Variants in TMEM74 observed in about 807,000 individuals in gnomAD.
TMEM74 encodes transmembrane protein 74.
In TMEM74, 13 loss-of-function variants were observed where a neutral mutation model predicts 18.1. The ratio of observed to expected loss-of-function variants is 0.72; its 90% CI spans 0.47 to 1.14. The LOEUF is 1.14. Among genes scored for constraint, TMEM74 ranks in the 50% most tolerant of loss-of-function variants. The pLI is 0.00. For synonymous variants in TMEM74, 159 were observed against 146.6 expected (o/e 1.08, Z -0.61); for missense variants, 372 against 375.9 (o/e 0.99, Z 0.09).
intron 1 of TMEM74, among the ~76,000 whole-genome samples, 192 bp from the exon 2 acceptor site, chr8:108,785,329 T>A (rs1814371580): frequency 6.6e-6 from 1 of 152,162 alleles, no homozygotes. Context: ...CTCTCACTTG[T>A]CATAGTGATT....
At chr8:108,754,700 CA>C (rs1217468830) in intron 1 of TMEM74, among the ~76,000 whole-genome samples, 1 of 151,212 alleles carries the variant, frequency 6.6e-6, no homozygotes, top group Admixed American at 6.6e-5. Context: ...GGTAGGTAGA[CA>C]GAGATTTATT....
chr8:108,618,358 T>C (rs1269443500), intron 2 of TMEM74, among the ~76,000 whole-genome samples: 9 of 152,164 alleles, frequency 5.9e-5, no homozygotes. Context: ...TTGTTAGGTC[T>C]TTGCTTGAGG....
In TMEM74 at chr8:108,780,774, C is replaced by T. The variant is rs184570650; in HGVS notation, c.*3407G>A. 5.5e-4 allele frequency among the ~76,000 whole-genome samples: 83 copies of T among 152,244 alleles called. No homozygotes were observed. Among genetic ancestry groups the T allele is most frequent in the Middle Eastern group, 6.8e-3 (2 of 294 alleles). On this transcript the variant is annotated 3_prime_UTR_variant, in exon 2 of 2. Transcript: ENST00000297459. ...CAAGAACTTCATGGTTCCAAGCAGT[C>T]TTGTCTTCCTGTAAACTATAAATCA...
At chr8:108,629,896 A>T (rs969059007) in intron 2 of TMEM74, among the ~76,000 whole-genome samples, 1 of 152,072 alleles carries the variant, frequency 6.6e-6, no homozygotes, top group African/African-American at 2.4e-5. Context: ...AAATATAAAA[A>T]CCAATGACAC....
At chr8:108,613,232 T>C (rs999349957) in intron 2 of TMEM74, among the ~76,000 whole-genome samples, 4 of 152,168 alleles carry the variant, frequency 2.6e-5, no homozygotes, top group African/African-American at 9.7e-5. Flanking sequence ...ATTGTGAAAT[T>C]TCCATACTGA....
intron 1 of TMEM74, among the ~76,000 whole-genome samples, chr8:108,767,297 T>G (rs1426612393): frequency 6.6e-6 from 1 of 152,190 alleles, no homozygotes; most frequent in African/African-American, 2.4e-5. Flanking sequence ...ATTTAAGATG[T>G]GAGCATTAGC....
At chr8:108,723,417 A>C (rs1813604764) in intron 1 of TMEM74, among the ~76,000 whole-genome samples, 1 of 151,318 alleles carries the variant, frequency 6.6e-6, no homozygotes. Context: ...TGTAAATCTA[A>C]CAACTTATGA....
chr8:108,686,110 T>G (rs1813164735), intron 1 of TMEM74, among the ~76,000 whole-genome samples: 1 of 152,176 alleles, frequency 6.6e-6, no homozygotes, highest in Non-Finnish European at 1.5e-5. Context: ...TTTAAAATTC[T>G]TTTGAACAAA....
rs919461010 is a variant in TMEM74 at position 108,728,053 on chromosome 8, G to A, written n.119+59423C>T. ...AGATGAGTGCAATTTTAGAAAAGTGGTGGTGTCAACTCCCGATGAAATGTG... is the reference window on the plus strand; with the variant it reads ...AGATGAGTGCAATTTTAGAAAAGTGATGGTGTCAACTCCCGATGAAATGTG... On this transcript the variant is annotated intron_variant and non_coding_transcript_variant, in intron 1 of 3. Transcript: ENST00000518838. 2.6e-5 allele frequency among the ~76,000 whole-genome samples: 4 copies of A among 152,204 alleles called. No homozygotes were observed. The South Asian group carries it at 6.2e-4, about 24-fold the overall frequency.
In TMEM74 at chr8:108,779,898, C is replaced by G. The variant is rs1210135195; in HGVS notation, c.*4283G>C. Among the ~76,000 whole-genome samples, 1 of 151,954 alleles carries G rather than the reference C, an allele frequency of 6.6e-6. No individual in the cohort carries two copies. The highest frequency in any genetic ancestry group is 2.4e-5 in the African/African-American group (1 of 41,370). On this transcript the variant is annotated 3_prime_UTR_variant, in exon 2 of 2. Coordinates refer to ENST00000297459, the MANE Select transcript of TMEM74 (RefSeq NM_153015.3). ...TTACAGTGTCAATTCACTAGGCAGG[C>G]AAATTATTTCCCAAGACTTATAAAA...
rs747788253 is a variant in TMEM74, at chr8:108,782,522, T to A, written c.*1659A>T. Among the ~76,000 whole-genome samples the A allele has an allele frequency of 1.3e-5, 2 of 152,180 alleles. No individual in the cohort carries two copies. The highest frequency in any genetic ancestry group is 2.9e-5 in the Non-Finnish European group (2 of 68,026). On this transcript the variant is annotated 3_prime_UTR_variant, in exon 2 of 2. Coordinates refer to ENST00000297459, the MANE Select transcript of TMEM74 (RefSeq NM_153015.3). ...GTATTTCAGTTCAACCCTTAAGTCA[T>A]ATGCAGCATACCTCACTCATCAAAT...
chr8:108,735,359 A>G (rs1485945621), intron 1 of TMEM74, among the ~76,000 whole-genome samples: 1 of 152,154 alleles, frequency 6.6e-6, no homozygotes, highest in African/African-American at 2.4e-5. Context: ...TCATCCTTCT[A>G]TCCCCCCATT....
intron 1 of TMEM74, among the ~76,000 whole-genome samples, chr8:108,699,212 T>C (rs1158607102): frequency 1.0e-3 from 89 of 86,336 alleles, no homozygotes; most frequent in African/African-American, 3.3e-3. Context: ...TCCCTCCCTC[T>C]CTCCCTCCCT....
chr8:108,658,399 G>C (rs1812867285), intron 1 of TMEM74, among the ~76,000 whole-genome samples: 1 of 152,012 alleles, frequency 6.6e-6, no homozygotes, highest in Non-Finnish European at 1.5e-5. Context: ...CTCTAGATCT[G>C]GGAGTGACTG....
chr8:108,700,731 T>C (rs1813326989), intron 1 of TMEM74, among the ~76,000 whole-genome samples: 1 of 152,202 alleles, frequency 6.6e-6, no homozygotes, highest in African/African-American at 2.4e-5. Flanking sequence ...TGCTTTAAAA[T>C]GCCATTTTTG....
intron 1 of TMEM74, among the ~76,000 whole-genome samples, chr8:108,732,530 G>A (rs2130640172): frequency 2.0e-5 from 3 of 152,164 alleles, no homozygotes; most frequent in African/African-American, 7.2e-5. Flanking sequence ...TGTGGCATTG[G>A]TAAAATAATA....
intron 1 of TMEM74, among the ~76,000 whole-genome samples, chr8:108,671,504 ATG>A (rs1210372553): frequency 6.6e-6 from 1 of 152,118 alleles, no homozygotes; most frequent in East Asian, 1.9e-4. Flanking sequence ...TGCAATATTG[ATG>A]TGTTAAGAGG....
intron 1 of TMEM74, among the ~76,000 whole-genome samples, chr8:108,710,752 G>A (rs1376408423): frequency 6.6e-6 from 1 of 152,144 alleles, no homozygotes; most frequent in East Asian, 1.9e-4. Context: ...ATGAGCGAGC[G>A]GAGCTGTGTT....
intron 1 of TMEM74, among the ~76,000 whole-genome samples, chr8:108,669,825 G>A (rs545360783): frequency 1.6e-4 from 25 of 151,942 alleles, no homozygotes; most frequent in African/African-American, 6.0e-4. Flanking sequence ...ATCACCTAAG[G>A]TCAGGAGTTC....
Sources: allele counts gnomAD v4.1 joint callset (sites outside exome capture counted in the v4.1 genomes callset), GRCh38; gene constraint gnomAD v4.1.1; transcripts MANE v1.5; gene names NCBI Gene and HGNC (gene_info 2026-07-23, HGNC 2026-07-21).